The following FGF2 variants were observed in gnomAD, a reference collection of about 807,000 sequenced individuals.
FGF2 encodes the protein basic fibroblast growth factor bFGF.
Under a neutral mutation model 15.9 loss-of-function variants are expected in FGF2, and 13 were observed. That is an observed-to-expected ratio of 0.82 (90% CI 0.53 to 1.30). FGF2 has a LOEUF of 1.30. Ranked by LOEUF, FGF2 falls within the 50% of genes most tolerant of loss-of-function variation. FGF2 has a pLI of 0.00. For missense variants in FGF2, 163 were observed against 196.9 expected, an observed-to-expected ratio of 0.83 and a Z score of 1.03; for synonymous variants, 90 against 78.4, an observed-to-expected ratio of 1.15 and a Z score of -0.78.
chr4:122,840,692 G>C (rs1252886039), intron 1 of FGF2: 1 of 186,130 alleles, frequency 5.4e-6, no homozygotes, highest in Non-Finnish European at 1.2e-5. Context: ...CCCAGGTAAG[G>C]AGCTGAGTCC....
At chr4:122,863,261 G>A (rs1726508759) in intron 1 of FGF2, among the ~76,000 whole-genome samples, 1 of 152,068 alleles carries the variant, frequency 6.6e-6, no homozygotes, top group African/African-American at 2.4e-5. Context: ...ATAGAAATAG[G>A]TATTCTAAAA....
chr4:122,836,939 T>C (rs1267149647), intron 1 of FGF2, among the ~76,000 whole-genome samples: 1 of 152,184 alleles, frequency 6.6e-6, no homozygotes, highest in Non-Finnish European at 1.5e-5. Flanking sequence ...CTAGAACTGG[T>C]TATAGTACTC....
At chr4:122,846,720 ATTT>A (rs1227199105) in intron 1 of FGF2, among the ~76,000 whole-genome samples, 1 of 152,212 alleles carries the variant, frequency 6.6e-6, no homozygotes, top group African/African-American at 2.4e-5. Context: ...GTATTTGTGA[ATTT>A]TTTAAAAGAA....
At chr4:122,866,316 C>T (rs977551728) in intron 1 of FGF2, among the ~76,000 whole-genome samples, 8 of 150,538 alleles carry the variant, frequency 5.3e-5, no homozygotes, top group Non-Finnish European at 1.2e-4. Flanking sequence ...TGCAGTGAGC[C>T]GAGATTGCGC....
At position 122,852,243 on chromosome 4, in the gene FGF2, G is replaced by A. The variant is rs751623819; in HGVS notation, c.179-24078G>A. On this transcript the variant is annotated intron_variant, in intron 1 of 2. Transcript: ENST00000644866. The stretch of plus-strand genomic sequence containing the variant: ...CATGCAGCTGCAGTCAAGTGGTCAC[G>A]GGGACAAGAATATCTGAAATGGCTT... Among the ~76,000 whole-genome samples, 22 of 152,140 alleles carry A rather than the reference G, an allele frequency of 1.4e-4. 1 individual carries two copies. Among genetic ancestry groups the A allele is most frequent in the Non-Finnish European group, 3.1e-4 (21 of 68,030 alleles).
At chr4:122,835,122 C>T (rs1169216239) in intron 1 of FGF2, among the ~76,000 whole-genome samples, 2 of 152,180 alleles carry the variant, frequency 1.3e-5, no homozygotes, top group Admixed American at 1.3e-4. Flanking sequence ...CTCACCCTTT[C>T]CCCCAAACTG....
chr4:122,869,787 G>C (rs1022222835), intron 1 of FGF2, among the ~76,000 whole-genome samples: 2 of 152,170 alleles, frequency 1.3e-5, no homozygotes, highest in Non-Finnish European at 2.9e-5. Flanking sequence ...TGCAAACAGA[G>C]ACAATTTGAC....
intron 1 of FGF2, among the ~76,000 whole-genome samples, chr4:122,834,179 C>G (rs1026280647): frequency 1.3e-5 from 2 of 152,226 alleles, no homozygotes; most frequent in Non-Finnish European, 2.9e-5. Flanking sequence ...CCACCCCGAA[C>G]AGGAGAGACC....
In FGF2 at chr4:122,892,998, T is replaced by C; in HGVS notation, c.*602T>C. ...CTAGCAACTCTGCTGGTGATGGGAG[T>C]TGTATTTTCAGTCTTCGCCAGGTCA... On this transcript the variant is annotated 3_prime_UTR_variant, in exon 3 of 3. Coordinates refer to ENST00000644866, the MANE Select transcript of FGF2 (RefSeq NM_001361665.2). 6.2e-7 allele frequency: 1 copy of C among 1,614,114 alleles called. No homozygotes were observed. The highest frequency in any genetic ancestry group is 8.5e-7 in the Non-Finnish European group (1 of 1,180,028).
intron 1 of FGF2, among the ~76,000 whole-genome samples, chr4:122,834,437 G>C (rs1248514935): frequency 6.6e-6 from 1 of 151,990 alleles, no homozygotes; most frequent in Non-Finnish European, 1.5e-5. Flanking sequence ...TTAAATTCTA[G>C]ATTCTGCCCT....
chr4:122,885,919 T>C (rs1727048069), intron 2 of FGF2, among the ~76,000 whole-genome samples: 1 of 99,098 alleles, frequency 1.0e-5, no homozygotes, highest in Admixed American at 1.0e-4. Context: ...TTTCCTTTTT[T>C]TTTTTTTTTT....
intron 1 of FGF2, among the ~76,000 whole-genome samples, chr4:122,869,506 T>C (rs796751829): frequency 1.9e-4 from 29 of 152,352 alleles, no homozygotes; most frequent in Middle Eastern, 3.4e-3. Context: ...TTCTCTCTTA[T>C]TTCCTTGAGC....
In FGF2 at chr4:122,892,961, T is replaced by A; in HGVS notation, c.*565T>A. The stretch of plus-strand genomic sequence containing the variant: ...TTTGTCAAACCCTTCTCTGTACCCA[T>A]ACAGCAGCAGCCTAGCAACTCTGCT... On this transcript the variant is annotated 3_prime_UTR_variant, in exon 3 of 3. Transcript: ENST00000644866. 1 of 1,614,202 alleles carries A rather than the reference T, an allele frequency of 6.2e-7. No individual in the cohort carries two copies. The highest frequency in any genetic ancestry group is 8.5e-7 in the Non-Finnish European group (1 of 1,180,028).
At position 122,827,146 on chromosome 4, in the gene FGF2, G is replaced by A; in HGVS notation, c.-29G>A. 3 of 1,365,140 alleles carry A rather than the reference G, an allele frequency of 2.2e-6. No homozygotes were observed. The highest frequency in any genetic ancestry group is 3.6e-5 in the South Asian group (2 of 56,134). The allele number at this position is 1,365,140 out of a possible 1,614,324, so 84.6% of individuals were successfully genotyped here. ...GCTCCCCGCGCGGCTCCAGCGGCTC[G>A]GGGATCCCGGCCGGGCCCCGCAGGG... On this transcript the variant is annotated 5_prime_UTR_variant, in exon 1 of 3. Transcript: ENST00000644866. This position sits in a 1 kb window ranked among gnomAD's most constrained non-coding sequence, Gnocchi z 4.2.
intron 1 of FGF2, among the ~76,000 whole-genome samples, chr4:122,865,503 C>G (rs1726556248): frequency 6.6e-6 from 1 of 152,074 alleles, no homozygotes; most frequent in South Asian, 2.1e-4. Context: ...GTTGGCCAGG[C>G]TGGCCTCGAA....
At chr4:122,867,123 T>G (rs1017677834) in intron 1 of FGF2, among the ~76,000 whole-genome samples, 3 of 152,234 alleles carry the variant, frequency 2.0e-5, no homozygotes, top group Non-Finnish European at 4.4e-5. Context: ...ACAGACAGGT[T>G]GCCCAGGGTT....
chr4:122,839,503 A>C (rs936738023), intron 1 of FGF2, among the ~76,000 whole-genome samples: 3 of 152,214 alleles, frequency 2.0e-5, no homozygotes, highest in African/African-American at 7.2e-5. Flanking sequence ...AGATAAAGAG[A>C]TACCAAGAAA....
intron 1 of FGF2, among the ~76,000 whole-genome samples, chr4:122,834,869 G>A (rs941572645): frequency 1.3e-5 from 2 of 152,140 alleles, no homozygotes; most frequent in Non-Finnish European, 2.9e-5. Flanking sequence ...AGGTGTAGAC[G>A]TATTAATAGA....
At chr4:122,872,073 G>A (rs933594405) in intron 1 of FGF2, among the ~76,000 whole-genome samples, 14 of 152,204 alleles carry the variant, frequency 9.2e-5, no homozygotes, top group Non-Finnish European at 1.8e-4. Context: ...AAAAAACTAC[G>A]CTGAGCTAAA....
Sources: gnomAD v4.1 joint callset for allele counts (sites outside exome capture counted in the v4.1 genomes callset) on GRCh38, gnomAD v4.1.1 for gene constraint, Gnocchi (gnomAD v3.1) non-coding constraint, MANE v1.5 for transcripts, NCBI Gene and HGNC (gene_info 2026-07-23, HGNC 2026-07-21) for gene names.